DEFA5: variants seen among roughly 807,000 people sequenced by gnomAD.
DEFA5 encodes the protein HD5(20-94).
DEFA5 carries 11 observed loss-of-function variants against 8.7 expected under a neutral mutation model. The ratio of observed to expected loss-of-function variants is 1.26; its 90% CI spans 0.80 to 2.09. The LOEUF (loss-of-function observed/expected upper bound fraction) is 2.09. Ranked by LOEUF, DEFA5 falls within the 30% of genes most tolerant of loss-of-function variation. The pLI, the probability that DEFA5 is intolerant of heterozygous loss-of-function variation, is 0.00. For missense variants in DEFA5, 181 were observed against 117.2 expected (o/e 1.54, Z -2.52); for synonymous variants, 52 against 43.9 (o/e 1.18, Z -0.73).
rs45477802 is a variant in DEFA5, at chr8:7,055,322, T to C, written c.*109A>G. ...CACTAAGTTTAATGCTTGAACTTTA[T>C]TTTGGAGAGAGAAATTTAGAAAGAC... On this transcript the variant is annotated 3_prime_UTR_variant, in exon 2 of 2. Transcript: ENST00000330590. The C allele has an allele frequency of 0.11, 89,126 of 804,122 alleles. 5,722 individuals are homozygous for C. The highest frequency in any genetic ancestry group is 0.13 in the Non-Finnish European group (65,290 of 496,428). 49.8% of individuals were successfully genotyped at this position (804,122 alleles called of 1,614,324 possible).
intron 1 of DEFA5, 47 bp downstream of exon 1, chr8:7,056,479 T>A: frequency 6.4e-7 from 1 of 1,551,778 alleles, no homozygotes; most frequent in Non-Finnish European, 8.8e-7. Context: ...CTTTCTCCAA[T>A]CCTTTTTTTC....
rs771229092 is a variant in DEFA5 at position 7,055,517 on chromosome 8, A to T, written c.199T>A (p.Cys67Ser). 1.2e-6 allele frequency: 2 copies of T among 1,613,042 alleles called. No individual in the cohort carries two copies. Among genetic ancestry groups the T allele is most frequent in the African/African-American group, 2.7e-5 (2 of 74,906 alleles). The change falls in exon 2 of 2, where the codon TGC becomes AGC. Residue 67 changes from cysteine (C) to serine (S), a missense_variant. Cys to Ser is a moderately radical substitution (Grantham distance 112). Transcript: ENST00000330590. The stretch of plus-strand genomic sequence containing the variant: ...CGGGTAGCACAACGGCCGGTTCGGC[A>T]ATAGCAGGTGGCTCTTGCCTGAGAA... The part of the protein sequence containing the change: ...SGSQARATCY[C>S]RTGRCATRES...
Position 7,055,449 on chromosome 8 carries a change from G to A in DEFA5, c.267C>T (p.Tyr89=), listed in dbSNP as rs765215077. Residue 89 remains tyrosine (Y), a synonymous_variant, in exon 2 of 2, where the codon TAC becomes TAT. Transcript: ENST00000330590. Reference sequence around the variant, plus strand: ...AGGAAGCTCAGCGACAGCAGAGTCTGTAGAGGCGGCCACTGATTTCACACA... The same window carrying A: ...AGGAAGCTCAGCGACAGCAGAGTCTATAGAGGCGGCCACTGATTTCACACA... ...SGVCEISGRL[Y]RLCCR is the part of the protein sequence containing the mutation. The A allele has an allele frequency of 2.1e-5, 34 of 1,613,714 alleles. No individual in the cohort carries two copies. The Admixed American group carries it at 4.3e-4, about 21-fold the overall frequency.
intron 1 of DEFA5, 91 bp downstream of exon 1, chr8:7,056,435 G>A (rs1806320225): frequency 3.8e-6 from 5 of 1,305,846 alleles, no homozygotes; most frequent in Non-Finnish European, 5.1e-6. Context: ...AGTCACTCAA[G>A]TGAGGTAGAC....
In DEFA5 at chr8:7,055,547, T is replaced by C; in HGVS notation, c.173-4A>G. ...CAGGTGGCTCTTGCCTGAGAACCTG[T>C]GGAAAGAAGAGAGGGTCAGGCACAG... On this transcript the variant is annotated splice_region_variant and splice_polypyrimidine_tract_variant and intron_variant, in intron 1 of 1. Transcript: ENST00000330590. 6.2e-7 allele frequency: 1 copy of C among 1,605,560 alleles called. No homozygotes were observed.
In DEFA5 at chr8:7,055,473, C is replaced by G. The variant is rs773623860; in HGVS notation, c.243G>C (p.Val81=). The G allele has an allele frequency of 8.7e-6, 14 of 1,613,764 alleles. No homozygotes were observed. The African/African-American group carries it at 1.9e-4, about 22-fold the overall frequency. Residue 81 remains valine (V), a synonymous_variant, in exon 2 of 2, where the codon GTG becomes GTC. Coordinates refer to ENST00000330590, the MANE Select transcript of DEFA5 (RefSeq NM_021010.3). ...RCATRESLSG[V]CEISGRLYRL... ...TGTAGAGGCGGCCACTGATTTCACA[C>G]ACCCCGGAGAGGGACTCACGGGTAG...
At chr8:7,056,477 A>T in intron 1 of DEFA5, 49 bp downstream of exon 1, 2 of 1,549,820 alleles carry the variant, frequency 1.3e-6, no homozygotes, top group Non-Finnish European at 1.8e-6. Flanking sequence ...TCCTTTCTCC[A>T]ATCCTTTTTT....
At position 7,056,727 on chromosome 8, in the gene DEFA5, G is replaced by A; in HGVS notation, c.-30C>T. ...GGGGTCACCTGCAGGAGGGAGAGCA[G>A]GAGTGGATATGTGGGGAGTGAGGAG... On this transcript the variant is annotated 5_prime_UTR_variant, in exon 1 of 2. Coordinates refer to ENST00000330590, the MANE Select transcript of DEFA5 (RefSeq NM_021010.3). 3 of 1,592,864 alleles carry A rather than the reference G, an allele frequency of 1.9e-6. No homozygotes were observed. The highest frequency in any genetic ancestry group is 2.2e-5 in the East Asian group (1 of 44,496).
In DEFA5 at chr8:7,056,545, G is replaced by C; in HGVS notation, c.153C>G (p.Leu51=). Residue 51 remains leucine, a synonymous_variant, in exon 1 of 2, where the codon CTC becomes CTG. Transcript: ENST00000330590. ...TCCTACCTGAGGTTCTAAGAGCAGA[G>C]AGTCCATTTCCTGCAAAGGAGATAG... ...DLAISFAGNG[L]SALRTSGSQA... is the part of the protein sequence containing the mutation. The C allele has an allele frequency of 1.9e-6, 3 of 1,612,414 alleles. No individual in the cohort carries two copies. The highest frequency in any genetic ancestry group is 2.5e-6 in the Non-Finnish European group (3 of 1,178,682).
Position 7,056,737 on chromosome 8 carries a change from T to A in DEFA5, c.-40A>T, listed in dbSNP as rs764251493. 6.4e-7 allele frequency: 1 copy of A among 1,568,300 alleles called. No individual in the cohort carries two copies. The highest frequency in any genetic ancestry group is 8.7e-7 in the Non-Finnish European group (1 of 1,149,930). On this transcript the variant is annotated 5_prime_UTR_variant, in exon 1 of 2. Coordinates refer to ENST00000330590, the MANE Select transcript of DEFA5 (RefSeq NM_021010.3). ...GCAGGAGGGAGAGCAGGAGTGGATA[T>A]GTGGGGAGTGAGGAGTCAGCCTGGA...
At chr8:7,056,246 C>G (rs1005025198) in intron 1 of DEFA5, among the ~76,000 whole-genome samples, 2 of 152,112 alleles carry the variant, frequency 1.3e-5, no homozygotes, top group African/African-American at 2.4e-5. Flanking sequence ...ATAACTAAGT[C>G]TGCCCATTTA....
At chr8:7,055,645 T>C (rs879193194) in intron 1 of DEFA5, 102 bp from the exon 2 acceptor site, 2 of 762,980 alleles carry the variant, frequency 2.6e-6, no homozygotes, top group South Asian at 3.1e-5. Context: ...ACTGTATCAG[T>C]CATGTTAGGA....
chr8:7,056,325 G>A (rs1381436712), intron 1 of DEFA5, among the ~76,000 whole-genome samples: 1 of 152,088 alleles, frequency 6.6e-6, no homozygotes, highest in African/African-American at 2.4e-5. Flanking sequence ...GAAATATCTT[G>A]GAACTGAAAG....
Position 7,055,498 on chromosome 8 carries a change from G to C in DEFA5, c.218C>G (p.Ala73Gly). 1 of 1,613,858 alleles carries C rather than the reference G, an allele frequency of 6.2e-7. No homozygotes were observed. The highest frequency in any genetic ancestry group is 8.5e-7 in the Non-Finnish European group (1 of 1,179,912). The change falls in exon 2 of 2, where the codon GCT (alanine) becomes GGT (glycine). Residue 73 changes from alanine to glycine, a missense_variant. By Grantham distance (60) the Ala-to-Gly change is moderately conservative. Coordinates refer to ENST00000330590, the MANE Select transcript of DEFA5 (RefSeq NM_021010.3). ...CACCCCGGAGAGGGACTCACGGGTA[G>C]CACAACGGCCGGTTCGGCAATAGCA... ...ATCYCRTGRC[A>G]TRESLSGVCE...
At chr8:7,055,585 GA>G (rs1812392917) in intron 1 of DEFA5, 42 bp from the exon 2 acceptor site, 12 of 1,386,866 alleles carry the variant, frequency 8.7e-6, no homozygotes, top group Non-Finnish European at 1.1e-5. Flanking sequence ...AGGGAGGTGG[GA>G]AAAAGGACAA....
chr8:7,056,535 T>C lies in DEFA5; in HGVS notation c.163A>G (p.Arg55Gly). ...SFAGNGLSAL[R>G]TSGSQARATC... ...GATTGATGTCTCCTACCTGAGGTTC[T>C]AAGAGCAGAGAGTCCATTTCCTGCA... The change falls in exon 1 of 2, where the codon AGA (arginine) becomes GGA (glycine). Residue 55 changes from arginine to glycine, a missense_variant. Arg to Gly is a moderately radical substitution (Grantham distance 125). Coordinates refer to ENST00000330590, the MANE Select transcript of DEFA5 (RefSeq NM_021010.3). The C allele has an allele frequency of 1.2e-6, 2 of 1,611,314 alleles. No individual in the cohort carries two copies. The highest frequency in any genetic ancestry group is 2.2e-5 in the South Asian group (2 of 90,810).
rs1812442420 is a variant in DEFA5 at position 7,056,632 on chromosome 8, G to C, written c.66C>G (p.Leu22=). The stretch of plus-strand genomic sequence containing the variant: ...TTGTAGCCTCATCAGCTCTTTCCTG[G>C]AGTGACTCAGCCTGGGCCTGCAGGG... ...LVALQAQAES[L]QERADEATTQ... is the part of the protein sequence containing the mutation. The change falls in exon 1 of 2, where the codon CTC becomes CTG. Residue 22 remains leucine (L), a synonymous_variant. Transcript: ENST00000330590. The C allele has an allele frequency of 6.2e-7, 1 of 1,613,990 alleles. No homozygotes were observed. Among genetic ancestry groups the C allele is most frequent in the Admixed American group, 1.7e-5 (1 of 60,012 alleles).
rs776287950 is a variant in DEFA5 at position 7,056,550 on chromosome 8, C to T, written c.148G>A (p.Gly50Arg). 1.2e-6 allele frequency: 2 copies of T among 1,612,900 alleles called. No individual in the cohort carries two copies. The highest frequency in any genetic ancestry group is 1.7e-5 in the Admixed American group (1 of 59,976). The change falls in exon 1 of 2, where the codon GGA (glycine) becomes AGA (arginine). Residue 50 changes from glycine to arginine, a missense_variant. Coordinates refer to ENST00000330590, the MANE Select transcript of DEFA5 (RefSeq NM_021010.3). ...QDLAISFAGN[G>R]LSALRTSGSQ... ...CCTGAGGTTCTAAGAGCAGAGAGTCCATTTCCTGCAAAGGAGATAGCAAGG... is the reference window on the plus strand; with the variant it reads ...CCTGAGGTTCTAAGAGCAGAGAGTCTATTTCCTGCAAAGGAGATAGCAAGG...
At chr8:7,056,378 T>G in intron 1 of DEFA5, 148 bp downstream of exon 1, 2 of 777,110 alleles carry the variant, frequency 2.6e-6, no homozygotes, top group Non-Finnish European at 3.8e-6. Context: ...TGGTTCTCAC[T>G]GATTAATTTA....
Sources: gnomAD v4.1 joint callset for allele counts (sites outside exome capture counted in the v4.1 genomes callset) on GRCh38, gnomAD v4.1.1 for gene constraint, MANE v1.5 for transcripts, NCBI Gene and HGNC (gene_info 2026-07-23, HGNC 2026-07-21) for gene names.